Variants in RCOR1 observed in about 807,000 individuals in gnomAD.
RCOR1 encodes the protein REST corepressor 1, also known as REST corepressor.
Under a neutral mutation model 64.0 loss-of-function variants are expected in RCOR1, and 12 were observed. The observed-to-expected ratio is 0.19, with a 90% CI of 0.12 to 0.30. The LOEUF (loss-of-function observed/expected upper bound fraction) is 0.30, where lower values mean the gene tolerates loss of function less well. RCOR1 is among the 10% of genes least tolerant of loss of function. The pLI, the probability that RCOR1 is intolerant of heterozygous loss-of-function variation, is 1.00. For missense variants in RCOR1, 502 were observed against 621.2 expected (o/e 0.81, Z 2.04); for synonymous variants, 279 against 227.2 (o/e 1.23, Z -2.05).
At chr14:102,636,261 AT>A (rs946432674) in intron 2 of RCOR1, among the ~76,000 whole-genome samples, 22 of 151,200 alleles carry the variant, frequency 1.5e-4, no homozygotes, top group Non-Finnish European at 2.8e-4. Context: ...TCTAAAAAAA[AT>A]TTTTTTTAAC....
chr14:102,616,206 A>ATGTGTGTG lies in RCOR1; in HGVS notation c.361+22917_361+22924dup, dbSNP rs56991991. Among the ~76,000 whole-genome samples the ATGTGTGTG allele has an allele frequency of 5.6e-4, 84 of 149,260 alleles. 1 individual carries two copies. Among genetic ancestry groups the ATGTGTGTG allele is most frequent in the Admixed American group, 1.5e-3 (22 of 14,760 alleles). On this transcript the variant is annotated intron_variant, in intron 2 of 11. Coordinates refer to ENST00000262241, the MANE Select transcript of RCOR1 (RefSeq NM_015156.4). ...TTTATTACAAAAGATACATGTGTAT[A>ATGTGTGTG]TGTGTGTGTGTGTGTGTGTGTGTGT...
intron 2 of RCOR1, among the ~76,000 whole-genome samples, chr14:102,618,525 T>C (rs1210248805): frequency 9.9e-5 from 15 of 152,068 alleles, no homozygotes; most frequent in African/African-American, 3.6e-4. Context: ...AGAGGATCGC[T>C]TGAGCCCAGG....
intron 2 of RCOR1, among the ~76,000 whole-genome samples, chr14:102,598,604 C>T (rs1004598581): frequency 2.0e-5 from 3 of 152,022 alleles, no homozygotes; most frequent in Non-Finnish European, 2.9e-5. Context: ...CCTGCCACCA[C>T]GCCCGGCTAA....
Position 102,592,869 on chromosome 14 carries a change from C to G in RCOR1, c.-18C>G. The G allele has an allele frequency of 8.4e-7, 1 of 1,185,924 alleles. No homozygotes were observed. The highest frequency in any genetic ancestry group is 1.0e-6 in the Non-Finnish European group (1 of 960,448). 73.5% of individuals were successfully genotyped at this position (1,185,924 alleles called of 1,614,324 possible). On this transcript the variant is annotated 5_prime_UTR_variant, in exon 1 of 12. Coordinates refer to ENST00000262241, the MANE Select transcript of RCOR1 (RefSeq NM_015156.4). ...GCCGCGGGTCCCCGCCACTTTCGCA[C>G]GGCCCCGGCCCCCGCCGATGCCGGC...
intron 2 of RCOR1, among the ~76,000 whole-genome samples, chr14:102,600,327 G>A (rs536181206): frequency 1.2e-3 from 187 of 151,976 alleles, no homozygotes; most frequent in Non-Finnish European, 2.3e-3. Flanking sequence ...CGCCCACCTC[G>A]GCCTCCCAAA....
intron 2 of RCOR1, among the ~76,000 whole-genome samples, chr14:102,615,120 A>G (rs1893728503): frequency 7.2e-6 from 1 of 138,326 alleles, no homozygotes; most frequent in South Asian, 2.4e-4. Context: ...CGTGAGCCAT[A>G]GTGCCCGGCC....
At chr14:102,621,505 GT>G (rs1893874133) in intron 2 of RCOR1, among the ~76,000 whole-genome samples, 1 of 150,802 alleles carries the variant, frequency 6.6e-6, no homozygotes, top group Admixed American at 6.7e-5. Context: ...CCTCCAAAGT[GT>G]TTGGATTACA....
At chr14:102,606,276 G>T (rs1893505600) in intron 2 of RCOR1, among the ~76,000 whole-genome samples, 1 of 152,060 alleles carries the variant, frequency 6.6e-6, no homozygotes, top group Non-Finnish European at 1.5e-5. Context: ...TGGCCAGGCT[G>T]GTCTTGAACT....
intron 2 of RCOR1, among the ~76,000 whole-genome samples, chr14:102,673,771 A>G (rs956591328): frequency 1.3e-5 from 2 of 151,646 alleles, no homozygotes; most frequent in Admixed American, 6.6e-5. Flanking sequence ...ATGTGCCACC[A>G]TGCCTGGCTA....
chr14:102,693,755 C>T (rs1895587373), intron 3 of RCOR1, among the ~76,000 whole-genome samples: 3 of 152,178 alleles, frequency 2.0e-5, no homozygotes, highest in African/African-American at 7.2e-5. Context: ...TCGAGGGTCC[C>T]CTTCTTTGTT....
Position 102,600,248 on chromosome 14 carries a change from C to A in RCOR1, c.361+6923C>A, listed in dbSNP as rs572002446. 2.6e-5 allele frequency among the ~76,000 whole-genome samples: 4 copies of A among 151,380 alleles called. No homozygotes were observed. In the South Asian group the frequency reaches 8.4e-4, roughly 32 times the overall value. ...GATTACAGGCGCCCACCACCACGCC[C>A]GGCTAATTTTTTATATTTTTAGTAG... On this transcript the variant is annotated intron_variant, in intron 2 of 11. Transcript: ENST00000262241.
intron 2 of RCOR1, among the ~76,000 whole-genome samples, chr14:102,609,960 A>G (rs1001719448): frequency 6.6e-6 from 1 of 152,052 alleles, no homozygotes; most frequent in Non-Finnish European, 1.5e-5. Flanking sequence ...CAACATGACA[A>G]CATGGTGAAA....
At chr14:102,722,488 A>G in intron 11 of RCOR1, 72 bp downstream of exon 11, 2 of 1,268,756 alleles carry the variant, frequency 1.6e-6, no homozygotes, top group Non-Finnish European at 2.2e-6. Context: ...AAAGTGATGA[A>G]TTTTTTCAGC....
intron 2 of RCOR1, among the ~76,000 whole-genome samples, chr14:102,610,829 C>CA (rs1893616472): frequency 6.6e-6 from 1 of 152,156 alleles, no homozygotes; most frequent in East Asian, 1.9e-4. Flanking sequence ...GCAGGGATTA[C>CA]AGGCGTGAGC....
chr14:102,680,031 A>G (rs906551168), intron 2 of RCOR1, among the ~76,000 whole-genome samples: 9 of 152,302 alleles, frequency 5.9e-5, no homozygotes, highest in Non-Finnish European at 1.2e-4. Flanking sequence ...TAATAAGTCT[A>G]TATCTATGAT....
rs180879497 is a variant in RCOR1 at position 102,595,158 on chromosome 14, T to A, written c.361+1833T>A. Among the ~76,000 whole-genome samples, 5 of 152,350 alleles carry A rather than the reference T, an allele frequency of 3.3e-5. No homozygotes were observed. The East Asian group carries it at 9.6e-4, about 29-fold the overall frequency. ...TATTTTGAACTGTCTTTGGGCTTTT[T>A]GTTGGAATAGATATGAGCATAAACT... On this transcript the variant is annotated intron_variant, in intron 2 of 11. Transcript: ENST00000262241.
intron 11 of RCOR1, among the ~76,000 whole-genome samples, chr14:102,723,386 C>T (rs1896200179): frequency 6.6e-6 from 1 of 152,196 alleles, no homozygotes; most frequent in Non-Finnish European, 1.5e-5. Flanking sequence ...GTGGTGCCGC[C>T]ACTCCATGCA....
chr14:102,687,920 CA>C (rs1193417665), intron 3 of RCOR1, among the ~76,000 whole-genome samples: 1 of 150,990 alleles, frequency 6.6e-6, no homozygotes, highest in Non-Finnish European at 1.5e-5. Context: ...CTGGCTGGAC[CA>C]GGGGCATAAG....
At chr14:102,675,446 C>T (rs370106573) in intron 2 of RCOR1, among the ~76,000 whole-genome samples, 35 of 152,204 alleles carry the variant, frequency 2.3e-4, no homozygotes, top group East Asian at 7.7e-4. Flanking sequence ...AATATGCCAA[C>T]ATCGCCAATA....
Sources: gnomAD v4.1 joint callset for allele counts (sites outside exome capture counted in the v4.1 genomes callset) on GRCh38, gnomAD v4.1.1 for gene constraint, MANE v1.5 for transcripts, NCBI Gene and HGNC (gene_info 2026-07-23, HGNC 2026-07-21) for gene names.